YEATS2: variants seen among roughly 807,000 people sequenced by gnomAD.
YEATS2 encodes the protein YEATS domain-containing protein 2.
In YEATS2, 77 loss-of-function variants were observed where a neutral mutation model predicts 163.2. That is an observed-to-expected ratio of 0.47 (90% CI 0.39 to 0.57). The LOEUF (loss-of-function observed/expected upper bound fraction) is 0.57. Among genes scored for constraint, YEATS2 ranks in the 20% least tolerant of loss-of-function variants. The probability of loss-of-function intolerance (pLI) is 0.00; values close to 1 mark genes in which losing one functional copy is unlikely to be tolerated. For synonymous variants in YEATS2, 631 were observed against 645.1 expected, an observed-to-expected ratio of 0.98 and a Z score of 0.33; for missense variants, 1,549 against 1,729.8, an observed-to-expected ratio of 0.90 and a Z score of 1.85.
At chr3:183,779,995 C>T (rs1723406809) in intron 19 of YEATS2, among the ~76,000 whole-genome samples, 1 of 140,654 alleles carries the variant, frequency 7.1e-6, no homozygotes, top group African/African-American at 2.8e-5. Flanking sequence ...CGCACCTGGC[C>T]TTTACTTTTT....
rs774835127 is a variant in YEATS2 at position 183,700,770 on chromosome 3, CAAAAAAAA to C, written c.-20+2792_-20+2799del. Among the ~76,000 whole-genome samples the C allele has an allele frequency of 3.5e-3, 134 of 37,750 alleles. 2 individuals carry two copies. The Middle Eastern group carries it at 0.053, about 15-fold the overall frequency. 24.8% of individuals were successfully genotyped at this position (37,750 alleles called of 152,430 possible). ...TGGGCGACAGAGGGAGACTTCGTCT[CAAAAAAAA>C]AAAAAAAAAAAAAAGGCAGATACAA... On this transcript the variant is annotated intron_variant, in intron 1 of 30. Coordinates refer to ENST00000305135, the MANE Select transcript of YEATS2 (RefSeq NM_018023.5).
chr3:183,760,541 C>G (rs1243782683), intron 13 of YEATS2, among the ~76,000 whole-genome samples: 2 of 151,982 alleles, frequency 1.3e-5, no homozygotes, highest in East Asian at 1.9e-4. Context: ...AGGCTGGTCT[C>G]GAACTCCTGA....
chr3:183,780,289 T>A (rs949509080), intron 19 of YEATS2, among the ~76,000 whole-genome samples: 1 of 152,180 alleles, frequency 6.6e-6, no homozygotes, highest in Non-Finnish European at 1.5e-5. Context: ...GGAAACTGAA[T>A]AGAACTGGCT....
Position 183,810,476 on chromosome 3 carries a change from A to G in YEATS2, c.4162A>G (p.Ile1388Val), listed in dbSNP as rs766054789. The G allele has an allele frequency of 1.4e-5, 22 of 1,613,538 alleles. No individual in the cohort carries two copies. The highest frequency in any genetic ancestry group is 1.6e-5 in the Non-Finnish European group (19 of 1,179,658). Residue 1388 changes from isoleucine to valine, a missense_variant and splice_region_variant, in exon 31 of 31, where the codon ATT becomes GTT. By Grantham distance (29) the Ile-to-Val change is conservative (BLOSUM62 3). Coordinates refer to ENST00000305135, the MANE Select transcript of YEATS2 (RefSeq NM_018023.5). ...AACACCCTTTGTTTTTTGGACCAGGATTCCCAAAGAAATTACAGTGAGTAA... is the reference window on the plus strand; with the variant it reads ...AACACCCTTTGTTTTTTGGACCAGGGTTCCCAAAGAAATTACAGTGAGTAA... The part of the protein sequence containing the change: ...VGYQTASHNR[I>V]PKEITVSNIH...
At chr3:183,777,194 G>C (rs1723086218) in intron 18 of YEATS2, among the ~76,000 whole-genome samples, 1 of 152,262 alleles carries the variant, frequency 6.6e-6, no homozygotes, top group South Asian at 2.1e-4. Flanking sequence ...TGAAGTCTTG[G>C]CTCTTTTTGA....
At chr3:183,789,884 T>C (rs1724442930) in intron 20 of YEATS2, among the ~76,000 whole-genome samples, 1 of 152,090 alleles carries the variant, frequency 6.6e-6, no homozygotes, top group African/African-American at 2.4e-5. Context: ...CACCAAACTT[T>C]ATTCTTTTTT....
chr3:183,720,548 A>T (rs147782066), intron 4 of YEATS2, among the ~76,000 whole-genome samples: 159 of 152,212 alleles, frequency 1.0e-3, no homozygotes, highest in Middle Eastern at 3.4e-3. Flanking sequence ...CTCTAGGGAC[A>T]CCTGGTATTG....
intron 4 of YEATS2, among the ~76,000 whole-genome samples, chr3:183,720,588 C>T (rs946301092): frequency 6.6e-6 from 1 of 152,162 alleles, no homozygotes; most frequent in South Asian, 2.1e-4. Flanking sequence ...CTTATAGAAA[C>T]TAGAGCATTA....
At chr3:183,723,781 G>A (rs568922246) in intron 5 of YEATS2, among the ~76,000 whole-genome samples, 116 of 152,104 alleles carry the variant, frequency 7.6e-4, no homozygotes, top group Non-Finnish European at 1.0e-3. Flanking sequence ...GCTTAGTGGC[G>A]GGTACCTGTA....
intron 30 of YEATS2, among the ~76,000 whole-genome samples, chr3:183,809,844 C>T (rs984490628): frequency 1.2e-4 from 18 of 152,190 alleles, no homozygotes; most frequent in African/African-American, 4.1e-4. Flanking sequence ...AGCAAAGTGC[C>T]TGAGGACATG....
At chr3:183,714,176 A>ACC (rs1715570423) in intron 1 of YEATS2, among the ~76,000 whole-genome samples, 1 of 151,684 alleles carries the variant, frequency 6.6e-6, no homozygotes, top group South Asian at 2.1e-4. Context: ...TGAGACAGTA[A>ACC]AGGTCTAGAG....
intron 21 of YEATS2, 113 bp downstream of exon 21, chr3:183,791,093 T>A: frequency 7.2e-7 from 1 of 1,394,990 alleles, no homozygotes; most frequent in Non-Finnish European, 9.7e-7. Flanking sequence ...GAGTGCAATA[T>A]CACAATCTCG....
chr3:183,766,674 G>T (rs568872556), intron 15 of YEATS2, among the ~76,000 whole-genome samples: 6 of 152,194 alleles, frequency 3.9e-5, no homozygotes, highest in African/African-American at 7.2e-5. Context: ...GCCGAAATAC[G>T]TTGTGGTTTT....
intron 6 of YEATS2, 96 bp from the exon 7 acceptor site, chr3:183,728,594 T>G (rs1335958840): frequency 2.5e-6 from 3 of 1,198,624 alleles, no homozygotes; most frequent in Non-Finnish European, 3.4e-6. Context: ...ATTGCAGGAA[T>G]TTTAACCTTG....
intron 7 of YEATS2, among the ~76,000 whole-genome samples, chr3:183,733,652 A>C (rs551912784): frequency 2.1e-4 from 32 of 152,284 alleles, no homozygotes; most frequent in Middle Eastern, 3.4e-3. Flanking sequence ...CTGCCTTCAA[A>C]CTTGGGGTTA....
At chr3:183,810,218 C>T (rs937495518) in intron 30 of YEATS2, 21 of 398,552 alleles carry the variant, frequency 5.3e-5, no homozygotes, top group East Asian at 2.1e-4. Context: ...TTCTGCCATC[C>T]GCTTTGTTTT....
At chr3:183,719,911 T>C (rs1327330348) in intron 4 of YEATS2, among the ~76,000 whole-genome samples, 3 of 152,198 alleles carry the variant, frequency 2.0e-5, no homozygotes, top group Non-Finnish European at 4.4e-5. Context: ...TTTCCCTCCA[T>C]GATCCTGACT....
rs1363759550 is a variant in YEATS2 at position 183,730,058 on chromosome 3, T to G, written c.812+1207T>G. On this transcript the variant is annotated intron_variant, in intron 7 of 30. Transcript: ENST00000305135. The stretch of plus-strand genomic sequence containing the variant: ...ATTGTGTGGTTTTTTGTTTGTTTTT[T>G]TTTTTTTTTTTTTTTTTTTTTTTTT... 4.7e-3 allele frequency among the ~76,000 whole-genome samples: 194 copies of G among 41,484 alleles called. 4 individuals are homozygous for G. The highest frequency in any genetic ancestry group is 0.025 in the African/African-American group (181 of 7,174). The allele number at this position is 41,484 out of a possible 152,430, so 27.2% of individuals were successfully genotyped here.
At chr3:183,810,072 CGA>C (rs1301211821) in intron 30 of YEATS2, 1 of 184,054 alleles carries the variant, frequency 5.4e-6, no homozygotes, top group Non-Finnish European at 1.1e-5. Flanking sequence ...TTTGATGGAA[CGA>C]TTAACATCAC....
Sources: allele counts gnomAD v4.1 joint callset (sites outside exome capture counted in the v4.1 genomes callset), GRCh38; gene constraint gnomAD v4.1.1; transcripts MANE v1.5; gene names NCBI Gene and HGNC (gene_info 2026-07-23, HGNC 2026-07-21).